CAMTA1: variants seen among roughly 807,000 people sequenced by gnomAD.
CAMTA1 encodes the protein calmodulin-binding transcription activator 1.
Under a neutral mutation model 170.9 loss-of-function variants are expected in CAMTA1, and 27 were observed. The observed-to-expected ratio is 0.16, with a 90% CI of 0.12 to 0.22. The LOEUF (loss-of-function observed/expected upper bound fraction) is 0.22. Ranked by LOEUF, CAMTA1 falls within the 10% of genes least tolerant of loss-of-function variation. The pLI is 1.00. For synonymous variants in CAMTA1, 833 were observed against 891.5 expected, an observed-to-expected ratio of 0.93 and a Z score of 1.17; for missense variants, 1,619 against 2,217.2, an observed-to-expected ratio of 0.73 and a Z score of 5.42.
intron 11 of CAMTA1, among the ~76,000 whole-genome samples, chr1:7,684,430 G>A (rs1346652336): frequency 1.3e-5 from 2 of 152,192 alleles, no homozygotes; most frequent in Non-Finnish European, 2.9e-5. Flanking sequence ...GTGCTCTCAC[G>A]GCTGTGGAGA....
intron 11 of CAMTA1, among the ~76,000 whole-genome samples, chr1:7,708,827 G>T (rs2096547154): frequency 6.6e-6 from 1 of 152,170 alleles, no homozygotes; most frequent in Non-Finnish European, 1.5e-5. Context: ...TTAAAGTGCT[G>T]ATCATAAAGC....
chr1:7,110,956 C>T (rs144360528), intron 4 of CAMTA1, among the ~76,000 whole-genome samples: 2 of 152,348 alleles, frequency 1.3e-5, no homozygotes, highest in East Asian at 3.9e-4. Context: ...ACCCAGGTCT[C>T]ACTGAGCTGA....
At chr1:7,411,007 CTGTG>C (rs139916105) in intron 5 of CAMTA1, among the ~76,000 whole-genome samples, 1 of 151,042 alleles carries the variant, frequency 6.6e-6, no homozygotes, top group South Asian at 2.1e-4. Context: ...GTGTGTATGT[CTGTG>C]TGTGTGTGTG....
At chr1:6,870,132 C>A (rs1392286587) in intron 3 of CAMTA1, among the ~76,000 whole-genome samples, 1 of 152,228 alleles carries the variant, frequency 6.6e-6, no homozygotes, top group African/African-American at 2.4e-5. Flanking sequence ...TTACACTACT[C>A]GCTTCTTGTT....
intron 3 of CAMTA1, among the ~76,000 whole-genome samples, chr1:6,997,449 C>T (rs1380214432): frequency 6.6e-6 from 1 of 152,096 alleles, no homozygotes; most frequent in East Asian, 1.9e-4. Context: ...CTTTCGGAAG[C>T]ATGTCGCGTC....
At chr1:6,902,392 A>C (rs1008300434) in intron 3 of CAMTA1, among the ~76,000 whole-genome samples, 1 of 152,220 alleles carries the variant, frequency 6.6e-6, no homozygotes, top group East Asian at 1.9e-4. Context: ...GAAAAGGAAC[A>C]AAGTGACACA....
At chr1:6,905,654 G>A (rs1678285823) in intron 3 of CAMTA1, among the ~76,000 whole-genome samples, 1 of 152,102 alleles carries the variant, frequency 6.6e-6, no homozygotes, top group Non-Finnish European at 1.5e-5. Flanking sequence ...TCAAGTTTCA[G>A]TTAAACTCTC....
chr1:7,490,601 G>A (rs570385802), intron 6 of CAMTA1, among the ~76,000 whole-genome samples: 5 of 152,130 alleles, frequency 3.3e-5, no homozygotes, highest in South Asian at 2.1e-4. Flanking sequence ...GCGGTGAGCC[G>A]AGATTGTGCC....
intron 3 of CAMTA1, among the ~76,000 whole-genome samples, chr1:6,841,752 C>G (rs1021563010): frequency 2.6e-5 from 4 of 152,054 alleles, no homozygotes; most frequent in African/African-American, 9.7e-5. Context: ...GATGAAGAAC[C>G]TGGAGTGAAA....
At chr1:7,546,854 A>G (rs901670145) in intron 6 of CAMTA1, among the ~76,000 whole-genome samples, 1 of 152,172 alleles carries the variant, frequency 6.6e-6, no homozygotes, top group African/African-American at 2.4e-5. Context: ...ATGACTGGTG[A>G]TGTTCACCTT....
chr1:6,818,592 C>T (rs1055687163), intron 1 of CAMTA1, among the ~76,000 whole-genome samples: 1 of 152,092 alleles, frequency 6.6e-6, no homozygotes, highest in Non-Finnish European at 1.5e-5. Flanking sequence ...AATTACTTTC[C>T]TAAGGACAGC....
chr1:7,262,288 G>A lies in CAMTA1; in HGVS notation c.438+12662G>A, dbSNP rs144234276. ...TCAAAGAGTCTTAAATGGGCCGGGC[G>A]CGGTGGCTCACGTCTGTAATCCCAG... On this transcript the variant is annotated intron_variant, in intron 5 of 22. Coordinates refer to ENST00000303635, the MANE Select transcript of CAMTA1 (RefSeq NM_015215.4). Among the ~76,000 whole-genome samples the A allele has an allele frequency of 5.3e-3, 800 of 152,240 alleles. 8 individuals carry two copies. Among genetic ancestry groups the A allele is most frequent in the African/African-American group, 0.018 (756 of 41,544 alleles).
chr1:7,177,700 C>T (rs1275493641), intron 4 of CAMTA1, among the ~76,000 whole-genome samples: 2 of 150,920 alleles, frequency 1.3e-5, no homozygotes, highest in African/African-American at 4.9e-5. Context: ...GTACCCCTCC[C>T]CACACACAGT....
At chr1:7,444,575 G>A (rs1425882902) in intron 5 of CAMTA1, among the ~76,000 whole-genome samples, 2 of 152,262 alleles carry the variant, frequency 1.3e-5, no homozygotes, top group African/African-American at 4.8e-5. Context: ...GAAGCAGGAA[G>A]TGAAGCCCTG....
At position 7,634,276 on chromosome 1, in the gene CAMTA1, A is replaced by T. The variant is rs908169013; in HGVS notation, c.511-6124A>T. Among the ~76,000 whole-genome samples, 8 of 152,018 alleles carry T rather than the reference A, an allele frequency of 5.3e-5. No homozygotes were observed. Among genetic ancestry groups the T allele is most frequent in the Non-Finnish European group, 1.0e-4 (7 of 67,990 alleles). On this transcript the variant is annotated intron_variant, in intron 6 of 22. Transcript: ENST00000303635. This position sits in a 1 kb window ranked among gnomAD's most constrained non-coding sequence, Gnocchi z 6.2. ...GGATTAGGCTTCCTGGGGTGGGAGA[A>T]ATGGCAGAACTGGGTGATCGACTGG... is the stretch of plus-strand genomic sequence containing the variant.
chr1:6,902,084 TAA>T (rs143405526), intron 3 of CAMTA1, among the ~76,000 whole-genome samples: 34 of 105,050 alleles, frequency 3.2e-4, no homozygotes, highest in African/African-American at 1.4e-3. Flanking sequence ...AAAAAAAAAA[TAA>T]AAATAAAAAC....
At chr1:7,666,394 C>G (rs1388534228) in intron 9 of CAMTA1, among the ~76,000 whole-genome samples, 1 of 152,204 alleles carries the variant, frequency 6.6e-6, no homozygotes, top group East Asian at 1.9e-4. Flanking sequence ...GCACCCTCCC[C>G]CAGCCCCCAG....
chr1:7,526,171 A>G (rs560871238), intron 6 of CAMTA1, among the ~76,000 whole-genome samples: 1 of 152,136 alleles, frequency 6.6e-6, no homozygotes, highest in East Asian at 1.9e-4. Flanking sequence ...CAGAAGGAGA[A>G]GGATAAGCAG....
In CAMTA1 at chr1:7,514,012, A is replaced by G. The variant is rs181778098; in HGVS notation, c.510+46111A>G. ...CTGGATCAGGGCCCACCCTACTCCA[A>G]TGACCTTATCTTAACTAATTGTATC... On this transcript the variant is annotated intron_variant, in intron 6 of 22. Transcript: ENST00000303635. Among the ~76,000 whole-genome samples the G allele has an allele frequency of 1.5e-3, 231 of 152,320 alleles. 1 individual carries two copies. Among genetic ancestry groups the G allele is most frequent in the African/African-American group, 5.4e-3 (224 of 41,576 alleles).
Sources: gnomAD v4.1 joint callset for allele counts (sites outside exome capture counted in the v4.1 genomes callset) on GRCh38, gnomAD v4.1.1 for gene constraint, Gnocchi (gnomAD v3.1) non-coding constraint, MANE v1.5 for transcripts, NCBI Gene and HGNC (gene_info 2026-07-23, HGNC 2026-07-21) for gene names.